The following COL4A2 variants were observed in gnomAD, a reference collection of about 807,000 sequenced individuals.
COL4A2 encodes the protein collagen type IV alpha 2 chain, also known as collagen alpha-2(IV) chain.
A neutral mutation model predicts 200.2 loss-of-function variants in COL4A2; 99 were observed. That is an observed-to-expected ratio of 0.49 (90% CI 0.42 to 0.58). The LOEUF is 0.58. Ranked by LOEUF, COL4A2 falls within the 20% of genes least tolerant of loss-of-function variation. COL4A2 has a pLI of 0.00. For missense variants in COL4A2, 1,950 were observed against 2,314.1 expected (o/e 0.84, Z 3.23); for synonymous variants, 897 against 900.6 (o/e 1.00, Z 0.07).
At chr13:110,472,653 G>A (rs576995474) in intron 28 of COL4A2, among the ~76,000 whole-genome samples, 2 of 152,108 alleles carry the variant, frequency 1.3e-5, no homozygotes, top group East Asian at 1.9e-4. Flanking sequence ...TATGCAAATC[G>A]AGGTCCAAGG....
intron 4 of COL4A2, among the ~76,000 whole-genome samples, chr13:110,387,382 A>T (rs896388263): frequency 6.6e-6 from 1 of 152,246 alleles, no homozygotes; most frequent in Non-Finnish European, 1.5e-5. Context: ...TGAGAATGGC[A>T]TCTCACGTCC....
At chr13:110,308,256 C>A in intron 3 of COL4A2, 133 bp downstream of exon 3, 1 of 993,520 alleles carries the variant, frequency 1.0e-6, no homozygotes, top group Non-Finnish European at 1.5e-6. Context: ...AGGCTGCCCA[C>A]CAAGGTTCTG....
chr13:110,404,644 T>A (rs554965853), intron 4 of COL4A2, among the ~76,000 whole-genome samples: 1 of 151,746 alleles, frequency 6.6e-6, no homozygotes, highest in Non-Finnish European at 1.5e-5. Context: ...ACCAGGGAGG[T>A]GGGTCTGAGA....
At chr13:110,461,901 C>T in intron 22 of COL4A2, 2 of 631,364 alleles carry the variant, frequency 3.2e-6, no homozygotes, top group East Asian at 5.5e-5. Context: ...ATCCGCAGTT[C>T]CAGTGCTCCA....
At position 110,457,559 on chromosome 13, in the gene COL4A2, C is replaced by T. The variant is rs958757921; in HGVS notation, c.1432+124C>T. On this transcript the variant is annotated intron_variant, in intron 21 of 47. Coordinates refer to ENST00000360467, the MANE Select transcript of COL4A2 (RefSeq NM_001846.4). Reference sequence around the variant, plus strand: ...CATGAAAATGAGCCTGCATGTCTCTCCCAGCCTCCTGTCCCCTTGGCGGTG... The same window carrying T: ...CATGAAAATGAGCCTGCATGTCTCTTCCAGCCTCCTGTCCCCTTGGCGGTG... The T allele has an allele frequency of 7.0e-6, 5 of 717,754 alleles. No homozygotes were observed. In the Admixed American group the frequency reaches 1.0e-4, roughly 14 times the overall value. The allele number at this position is 717,754 out of a possible 1,614,324, so 44.5% of individuals were successfully genotyped here.
At chr13:110,356,150 C>A (rs1377940862) in intron 3 of COL4A2, among the ~76,000 whole-genome samples, 2 of 152,190 alleles carry the variant, frequency 1.3e-5, no homozygotes, top group Non-Finnish European at 2.9e-5. Flanking sequence ...ATGAGAAACA[C>A]CTTTTTGCCC....
intron 4 of COL4A2, among the ~76,000 whole-genome samples, chr13:110,374,115 C>T (rs952856305): frequency 3.3e-5 from 5 of 152,000 alleles, no homozygotes; most frequent in African/African-American, 9.7e-5. Context: ...AACGATGGCC[C>T]GTTGGGTCAG....
chr13:110,493,716 G>A (rs1253920813), intron 39 of COL4A2, among the ~76,000 whole-genome samples: 2 of 152,202 alleles, frequency 1.3e-5, no homozygotes, highest in African/African-American at 4.8e-5. Context: ...GCTGGAGACA[G>A]TGATAGCGCT....
intron 4 of COL4A2, among the ~76,000 whole-genome samples, chr13:110,423,628 G>A (rs1479203097): frequency 6.6e-6 from 1 of 152,064 alleles, no homozygotes; most frequent in Non-Finnish European, 1.5e-5. Context: ...GTTCTTTCAC[G>A]TTGTTGTGCA....
At chr13:110,336,162 T>C (rs537785972) in intron 3 of COL4A2, among the ~76,000 whole-genome samples, 9 of 152,340 alleles carry the variant, frequency 5.9e-5, no homozygotes, top group South Asian at 2.1e-4. Context: ...ACTGCTCTAA[T>C]ACATTGAAGT....
At chr13:110,319,813 G>A (rs989137167) in intron 3 of COL4A2, among the ~76,000 whole-genome samples, 51 of 152,108 alleles carry the variant, frequency 3.4e-4, no homozygotes, top group African/African-American at 1.0e-3. Context: ...AGATTTCAGC[G>A]CCCTCTTCCC....
chr13:110,308,149 C>G, intron 3 of COL4A2, 26 bp downstream of exon 3: 1 of 1,612,764 alleles, frequency 6.2e-7, no homozygotes, highest in Non-Finnish European at 8.5e-7. Context: ...CGCGCTTGGA[C>G]TTGCGCGCCC....
intron 29 of COL4A2, chr13:110,473,381 G>A (rs1882558402): frequency 3.9e-6 from 2 of 510,170 alleles, no homozygotes; most frequent in Admixed American, 3.8e-5. Flanking sequence ...TTTGACAGGT[G>A]TGGATTCACT....
At position 110,506,390 on chromosome 13, in the gene COL4A2, ACT is replaced by A. The variant is rs746030595; in HGVS notation, c.4403-16_4403-15del. On this transcript the variant is annotated intron_variant, in intron 45 of 47. Coordinates refer to ENST00000360467, the MANE Select transcript of COL4A2 (RefSeq NM_001846.4). ...GGGCTGCAGGTGCACCAGGCCGTCC[ACT>A]CTCTCTCTTTCTCGGGCTGCAGGTG... 5.0e-6 allele frequency: 8 copies of A among 1,586,942 alleles called. No individual in the cohort carries two copies. In the South Asian group the frequency reaches 5.7e-5, roughly 11 times the overall value.
At chr13:110,433,106 A>G (rs536407787) in intron 11 of COL4A2, among the ~76,000 whole-genome samples, 1 of 152,356 alleles carries the variant, frequency 6.6e-6, no homozygotes, top group East Asian at 1.9e-4. Flanking sequence ...TGCCAAGCCC[A>G]CACGTTGCCA....
intron 27 of COL4A2, among the ~76,000 whole-genome samples, chr13:110,467,914 C>T (rs1418151558): frequency 1.3e-5 from 2 of 152,246 alleles, no homozygotes; most frequent in African/African-American, 2.4e-5. Flanking sequence ...GCCGGGGAAG[C>T]ATGTCACTTG....
chr13:110,364,353 T>C (rs1410131759), intron 4 of COL4A2, among the ~76,000 whole-genome samples: 2 of 152,204 alleles, frequency 1.3e-5, no homozygotes, highest in African/African-American at 2.4e-5. Flanking sequence ...CCGTGATTAT[T>C]TTCTGTGGGT....
At chr13:110,377,466 T>A (rs1878284820) in intron 4 of COL4A2, among the ~76,000 whole-genome samples, 1 of 152,128 alleles carries the variant, frequency 6.6e-6, no homozygotes, top group African/African-American at 2.4e-5. Flanking sequence ...TCCATCTCCA[T>A]CCCAGGACCC....
intron 29 of COL4A2, among the ~76,000 whole-genome samples, chr13:110,476,655 G>A (rs373358984): frequency 4.5e-3 from 678 of 152,358 alleles, no homozygotes; most frequent in African/African-American, 0.016. Context: ...TGTGTGGACT[G>A]TAAAGTGGTG....
Sources: allele counts gnomAD v4.1 joint callset (sites outside exome capture counted in the v4.1 genomes callset), GRCh38; gene constraint gnomAD v4.1.1; transcripts MANE v1.5; gene names NCBI Gene and HGNC (gene_info 2026-07-23, HGNC 2026-07-21).